RFT1: variants seen among roughly 807,000 people sequenced by gnomAD.
RFT1 encodes RFT1 glycolipid translocator homolog.
Under a neutral mutation model 62.2 loss-of-function variants are expected in RFT1, and 43 were observed. The observed-to-expected ratio is 0.69, with a 90% CI of 0.54 to 0.89. The LOEUF is 0.89. Ranked by LOEUF, RFT1 falls within the 40% of genes least tolerant of loss-of-function variation. The pLI is 0.00. For synonymous variants in RFT1, 262 were observed against 264.6 expected (o/e 0.99, Z 0.10); for missense variants, 605 against 649.9 (o/e 0.93, Z 0.75).
At chr3:53,069,300 A>G in the RFT1 span, among the ~76,000 whole-genome samples, 1 of 152,208 alleles carries the variant, frequency 6.6e-6, no homozygotes, top group East Asian at 1.9e-4. Flanking sequence ...TGTTTAAGGC[A>G]GGCTGGGCTA....
At position 53,105,707 on chromosome 3, in the gene RFT1, A is replaced by G; in HGVS notation, c.923T>C (p.Leu308Pro). 1 of 1,614,002 alleles carries G rather than the reference A, an allele frequency of 6.2e-7. No individual in the cohort carries two copies. The highest frequency in any genetic ancestry group is 8.5e-7 in the Non-Finnish European group (1 of 1,179,932). ...ESFYIFFAKVLERGKDATLQK... is the reference protein window; with the variant it reads ...ESFYIFFAKVPERGKDATLQK... ...AAGTGTGGCATCCTTTCCCCTCTCC[A>G]GCACCTTAGCAAAAAATATATAAAA... Residue 308 changes from leucine (L) to proline (P), a missense_variant, in exon 9 of 13, where the codon CTG (leucine) becomes CCG (proline). Transcript: ENST00000296292.
At position 53,115,251 on chromosome 3, in the gene RFT1, C is replaced by T. The variant is rs115331935; in HGVS notation, c.697-3343G>A. On this transcript the variant is annotated intron_variant, in intron 6 of 12. Transcript: ENST00000296292. ...CTTGAATTATTAGTGTAAATGTCGC[C>T]GTGAACAAGATACTTAATTTTGCTA... is the stretch of plus-strand genomic sequence containing the variant. 3.4e-3 allele frequency among the ~76,000 whole-genome samples: 513 copies of T among 152,162 alleles called. 3 individuals are homozygous for T. The highest frequency in any genetic ancestry group is 0.01 in the Middle Eastern group (3 of 294).
At chr3:53,092,742 T>A in intron 11 of RFT1, 124 bp from the exon 12 acceptor site, 1 of 1,118,068 alleles carries the variant, frequency 8.9e-7, no homozygotes, top group Non-Finnish European at 1.3e-6. Context: ...CAGGTTTTCA[T>A]AACATCGAAT....
intron 10 of RFT1, among the ~76,000 whole-genome samples, chr3:53,102,610 G>A (rs1019659441): frequency 2.0e-5 from 3 of 152,196 alleles, no homozygotes; most frequent in Non-Finnish European, 4.4e-5. Context: ...CACTTACAAA[G>A]ACCCTAATTA....
At chr3:53,129,688 C>T (rs985223555) in intron 1 of RFT1, among the ~76,000 whole-genome samples, 2 of 152,164 alleles carry the variant, frequency 1.3e-5, no homozygotes, top group African/African-American at 2.4e-5. Context: ...AGGGAAGTGA[C>T]TTGTCCAAGA....
chr3:53,085,199 G>C (rs1026954246), downstream of RFT1, among the ~76,000 whole-genome samples: 1 of 152,198 alleles, frequency 6.6e-6, no homozygotes, highest in Non-Finnish European at 1.5e-5. Flanking sequence ...ACCAGCCTGA[G>C]GGCTGGCCTG....
rs564741449 is a variant in RFT1 at position 53,115,568 on chromosome 3, C to T, written c.697-3660G>A. On this transcript the variant is annotated intron_variant, in intron 6 of 12. Transcript: ENST00000296292. ...ACCTTTTCCTTTCTCTCCCTTCCCCCATTTTCCAGCCAACCTAAGTACCCC... is the reference window on the plus strand; with the variant it reads ...ACCTTTTCCTTTCTCTCCCTTCCCCTATTTTCCAGCCAACCTAAGTACCCC... 2.6e-5 allele frequency among the ~76,000 whole-genome samples: 4 copies of T among 152,312 alleles called. No homozygotes were observed. In the South Asian group the frequency reaches 8.3e-4, roughly 32 times the overall value.
At chr3:53,108,272 G>A (rs1055735577) in intron 7 of RFT1, among the ~76,000 whole-genome samples, 4 of 151,172 alleles carry the variant, frequency 2.6e-5, no homozygotes, top group African/African-American at 4.9e-5. Context: ...GGCCAGTTTC[G>A]AACTCCTGAC....
intron 2 of RFT1, 99 bp downstream of exon 2, chr3:53,125,810 A>T: frequency 4.3e-6 from 4 of 930,834 alleles, no homozygotes; most frequent in Non-Finnish European, 5.1e-6. Context: ...ATAAAGGTCC[A>T]TGCTTCTAGA....
At chr3:53,080,907 T>C in the RFT1 span, among the ~76,000 whole-genome samples, 438 of 152,226 alleles carry the variant, frequency 2.9e-3, 7 homozygotes, top group East Asian at 0.061. Flanking sequence ...CACGTTTCCC[T>C]CCCCGCCAAA....
chr3:53,122,270 C>A, intron 4 of RFT1, 104 bp downstream of exon 4: 1 of 1,096,408 alleles, frequency 9.1e-7, no homozygotes. Context: ...TTTTTAGGTG[C>A]AAGTCTGGAA....
intron 11 of RFT1, among the ~76,000 whole-genome samples, chr3:53,098,354 A>AGT (rs377112106): frequency 0.17 from 25,790 of 152,120 alleles, 3,259 homozygotes; most frequent in African/African-American, 0.36. Flanking sequence ...TGTGTAGCAA[A>AGT]CAAAGTCCCC....
chr3:53,117,315 G>A (rs1701837212), intron 6 of RFT1, among the ~76,000 whole-genome samples: 1 of 152,144 alleles, frequency 6.6e-6, no homozygotes, highest in Non-Finnish European at 1.5e-5. Flanking sequence ...GTCTTCAGAG[G>A]GGCCTCACAG....
chr3:53,105,810 A>G lies in RFT1; in HGVS notation c.827-7T>C. ...TTCACTATATCATACACACCTACAA[A>G]ACAAAAAAGAAGAAACAACAATCAT... On this transcript the variant is annotated splice_region_variant and splice_polypyrimidine_tract_variant and intron_variant, in intron 8 of 12. Transcript: ENST00000296292. The G allele has an allele frequency of 6.2e-7, 1 of 1,611,062 alleles. No individual in the cohort carries two copies. The highest frequency in any genetic ancestry group is 1.1e-5 in the South Asian group (1 of 90,526).
chr3:53,098,237 C>T (rs1012674474), intron 11 of RFT1, among the ~76,000 whole-genome samples: 3 of 152,212 alleles, frequency 2.0e-5, no homozygotes, highest in African/African-American at 7.2e-5. Context: ...TGGCTCAAGC[C>T]TTCTAAGATT....
chr3:53,128,940 A>G (rs1256708816), intron 1 of RFT1, among the ~76,000 whole-genome samples: 1 of 152,272 alleles, frequency 6.6e-6, no homozygotes, highest in East Asian at 1.9e-4. Context: ...CGGCAAGTAA[A>G]TGACCCAGCT....
intron 9 of RFT1, among the ~76,000 whole-genome samples, chr3:53,104,351 T>C (rs1701404312): frequency 6.6e-6 from 1 of 152,150 alleles, no homozygotes. Context: ...CAAATATTGC[T>C]TAGGAAACAC....
chr3:53,080,477 A>T, the RFT1 span, among the ~76,000 whole-genome samples: 1 of 152,156 alleles, frequency 6.6e-6, no homozygotes, highest in South Asian at 2.1e-4. Flanking sequence ...CTTTCAGGAG[A>T]GGGTAAAGCA....
chr3:53,111,485 T>C (rs1464045297), intron 7 of RFT1, among the ~76,000 whole-genome samples: 1 of 152,176 alleles, frequency 6.6e-6, no homozygotes, highest in Non-Finnish European at 1.5e-5. Context: ...TCATATAACA[T>C]GGGGTTTTGG....
Sources: gnomAD v4.1 joint callset for allele counts (sites outside exome capture counted in the v4.1 genomes callset) on GRCh38, gnomAD v4.1.1 for gene constraint, MANE v1.5 for transcripts, NCBI Gene and HGNC (gene_info 2026-07-23, HGNC 2026-07-21) for gene names.